The following ALK variants were observed in gnomAD, a reference collection of about 807,000 sequenced individuals.
ALK encodes ALK tyrosine kinase receptor.
Under a neutral mutation model 163.1 loss-of-function variants are expected in ALK, and 74 were observed. The ratio of observed to expected loss-of-function variants is 0.45; its 90% confidence interval spans 0.38 to 0.55. The LOEUF is 0.55. ALK is among the 20% of genes least tolerant of loss of function. The pLI is 0.00. For missense variants in ALK, 2,063 were observed against 2,105.3 expected (o/e 0.98, Z 0.39); for synonymous variants, 960 against 843.2 (o/e 1.14, Z -2.40).
At chr2:29,599,151 C>T (rs1440518358) in intron 3 of ALK, among the ~76,000 whole-genome samples, 3 of 151,142 alleles carry the variant, frequency 2.0e-5, no homozygotes, top group Admixed American at 6.6e-5. Context: ...ACAAAGCAAA[C>T]CTGACAATAA....
intron 4 of ALK, among the ~76,000 whole-genome samples, chr2:29,443,225 G>A (rs1670589392): frequency 6.6e-6 from 1 of 152,254 alleles, no homozygotes; most frequent in Non-Finnish European, 1.5e-5. Context: ...AGACCAGGCT[G>A]TGAGCCAAGG....
At chr2:29,617,577 C>A (rs988748254) in intron 3 of ALK, among the ~76,000 whole-genome samples, 1 of 152,228 alleles carries the variant, frequency 6.6e-6, no homozygotes, top group African/African-American at 2.4e-5. Flanking sequence ...TCTGAGCCTT[C>A]CTCCTGACTT....
chr2:29,618,145 A>G (rs1276167156), intron 3 of ALK, among the ~76,000 whole-genome samples: 1 of 152,216 alleles, frequency 6.6e-6, no homozygotes, highest in African/African-American at 2.4e-5. Context: ...TCCAGTTCCA[A>G]GCAATCAAAC....
At chr2:29,279,001 G>A (rs1007621669) in intron 9 of ALK, among the ~76,000 whole-genome samples, 4 of 152,136 alleles carry the variant, frequency 2.6e-5, no homozygotes, top group Non-Finnish European at 4.4e-5. Context: ...CAGAATCGCG[G>A]CTATCCTCTA....
intron 4 of ALK, among the ~76,000 whole-genome samples, chr2:29,498,857 T>C (rs1208364822): frequency 5.9e-5 from 9 of 152,164 alleles, no homozygotes; most frequent in African/African-American, 1.9e-4. Context: ...ATCACTATAA[T>C]TGAGCACAGT....
chr2:29,384,023 C>T (rs889432420), intron 4 of ALK, among the ~76,000 whole-genome samples, 164 bp from the exon 5 acceptor site: 1 of 152,212 alleles, frequency 6.6e-6, no homozygotes, highest in African/African-American at 2.4e-5. Flanking sequence ...GTGATTCTGA[C>T]AGCAACATGC....
rs145873166 is a variant in ALK at position 29,265,481 on chromosome 2, C to T, written c.2041+9618G>A. Reference sequence around the variant, plus strand: ...GAGGGGAAAGAAATAGTCCTCTTTTCCAGGAAACTATTTTGACGCTCAGGG... The same window carrying T: ...GAGGGGAAAGAAATAGTCCTCTTTTTCAGGAAACTATTTTGACGCTCAGGG... On this transcript the variant is annotated intron_variant, in intron 11 of 28. Transcript: ENST00000389048. Among the ~76,000 whole-genome samples, 1,023 of 152,246 alleles carry T rather than the reference C, an allele frequency of 6.7e-3. 12 individuals are homozygous for T. The highest frequency in any genetic ancestry group is 0.023 in the African/African-American group (974 of 41,536).
At chr2:29,301,372 C>T (rs1224562621) in intron 8 of ALK, among the ~76,000 whole-genome samples, 1 of 152,198 alleles carries the variant, frequency 6.6e-6, no homozygotes, top group Non-Finnish European at 1.5e-5. Context: ...GTCATGAATT[C>T]CTTCAAGGCA....
intron 5 of ALK, among the ~76,000 whole-genome samples, chr2:29,370,667 C>T (rs932601765): frequency 2.6e-5 from 4 of 152,180 alleles, no homozygotes; most frequent in African/African-American, 9.6e-5. Context: ...AGCTTATTGC[C>T]TCTTAGCTAC....
At chr2:29,514,975 T>A (rs1672623593) in intron 4 of ALK, among the ~76,000 whole-genome samples, 1 of 152,152 alleles carries the variant, frequency 6.6e-6, no homozygotes, top group South Asian at 2.1e-4. Flanking sequence ...AGGATTATGA[T>A]CCTAAATATT....
At chr2:29,760,443 A>C (rs563079444) in intron 1 of ALK, among the ~76,000 whole-genome samples, 14 of 152,346 alleles carry the variant, frequency 9.2e-5, no homozygotes, top group African/African-American at 3.4e-4. Flanking sequence ...AGTCCTAGTT[A>C]CTATACCAGA....
intron 4 of ALK, among the ~76,000 whole-genome samples, chr2:29,468,351 G>A (rs1671263325): frequency 6.6e-6 from 1 of 152,128 alleles, no homozygotes; most frequent in African/African-American, 2.4e-5. Flanking sequence ...GTGTAAAGGA[G>A]TCCTGAGATA....
rs1202718057 is a variant in ALK, at chr2:29,920,661, C to T, written c.-2G>A. 6.5e-7 allele frequency: 1 copy of T among 1,535,390 alleles called. No individual in the cohort carries two copies. Among genetic ancestry groups the T allele is most frequent in the Non-Finnish European group, 8.7e-7 (1 of 1,147,814 alleles). The stretch of plus-strand genomic sequence containing the variant: ...CCACAGGAGCCCGATGGCTCCCATC[C>T]CGCCGGAGGAGGCCGTTTACACTGC... On this transcript the variant is annotated 5_prime_UTR_variant, in exon 1 of 29. Coordinates refer to ENST00000389048, the MANE Select transcript of ALK (RefSeq NM_004304.5).
intron 3 of ALK, among the ~76,000 whole-genome samples, chr2:29,647,538 T>A (rs1490050217): frequency 6.6e-6 from 1 of 152,172 alleles, no homozygotes; most frequent in African/African-American, 2.4e-5. Flanking sequence ...GGTAGACTCA[T>A]ATATAGAACA....
intron 7 of ALK, among the ~76,000 whole-genome samples, 164 bp from the exon 8 acceptor site, chr2:29,318,568 T>G (rs1024420985): frequency 6.7e-6 from 1 of 148,180 alleles, no homozygotes; most frequent in African/African-American, 2.5e-5. Context: ...GTCAACAATT[T>G]CTTTTTTTTT....
chr2:29,781,298 A>G (rs547593112), intron 1 of ALK, among the ~76,000 whole-genome samples: 2 of 152,258 alleles, frequency 1.3e-5, no homozygotes, highest in African/African-American at 4.8e-5. Flanking sequence ...CCCTCAAAGA[A>G]CTGTACCCCA....
intron 3 of ALK, among the ~76,000 whole-genome samples, chr2:29,578,060 G>A (rs550567930): frequency 2.0e-5 from 3 of 152,234 alleles, no homozygotes; most frequent in East Asian, 3.9e-4. Context: ...CACCCAAATC[G>A]CATCTTGAAT....
intron 1 of ALK, among the ~76,000 whole-genome samples, chr2:29,914,074 C>T (rs13422897): frequency 0.34 from 52,049 of 152,038 alleles, 10,518 homozygotes; most frequent in Middle Eastern, 0.47. Context: ...CCTTGGTTTC[C>T]TTCTGTAGGA....
At chr2:29,229,546 C>A (rs1664130087) in intron 15 of ALK, among the ~76,000 whole-genome samples, 1 of 152,188 alleles carries the variant, frequency 6.6e-6, no homozygotes. Flanking sequence ...AAGTTCCTTG[C>A]AGGAATCCTG....
Sources: allele counts gnomAD v4.1 joint callset (sites outside exome capture counted in the v4.1 genomes callset), GRCh38; gene constraint gnomAD v4.1.1; transcripts MANE v1.5; gene names NCBI Gene and HGNC (gene_info 2026-07-23, HGNC 2026-07-21).